HDC: variants seen among roughly 807,000 people sequenced by gnomAD.
HDC encodes the protein histidine decarboxylase.
In HDC, 27 loss-of-function variants were observed where a neutral mutation model predicts 64.4. The ratio of observed to expected loss-of-function variants is 0.42; its 90% CI spans 0.31 to 0.58. HDC has a LOEUF of 0.58. Ranked by LOEUF, HDC falls within the 20% of genes least tolerant of loss-of-function variation. HDC has a pLI of 0.16. For missense variants in HDC, 711 were observed against 833.9 expected (o/e 0.85, Z 1.81); for synonymous variants, 305 against 314.2 (o/e 0.97, Z 0.31).
At chr15:50,250,472 T>C (rs78147269) in intron 9 of HDC, among the ~76,000 whole-genome samples, 1,677 of 152,278 alleles carry the variant, frequency 0.011, 14 homozygotes, top group Non-Finnish European at 0.02. Context: ...GAGTTTACTC[T>C]AACATTTTTA....
At chr15:50,254,073 T>C (rs1176859425) in intron 6 of HDC, 57 bp downstream of exon 6, 15 of 1,600,134 alleles carry the variant, frequency 9.4e-6, no homozygotes, top group South Asian at 4.4e-5. Context: ...TCTGCCAAAA[T>C]TCCTTCCTCA....
rs2045512554 is a variant in HDC, at chr15:50,248,419, C to T, written c.1042-76G>A. 1.0e-6 allele frequency: 1 copy of T among 984,964 alleles called. No individual in the cohort carries two copies. Among genetic ancestry groups the T allele is most frequent in the Non-Finnish European group, 1.6e-6 (1 of 622,636 alleles). The allele number at this position is 984,964 out of a possible 1,614,324, so 61.0% of individuals were successfully genotyped here. A position where few individuals can be genotyped will look rare whatever the true frequency, so the allele number is the denominator to read the frequency against. ...TCCCTCGGGCATTTCTGGGCATTAT[C>T]TGTTGCCTGCCCAGCCCTCCAGGGA... On this transcript the variant is annotated intron_variant, in intron 9 of 11. Transcript: ENST00000267845. The surrounding 1 kb of genome is among the most constrained non-coding windows in gnomAD (Gnocchi z 4.3).
At chr15:50,253,438 C>A in intron 7 of HDC, 162 bp downstream of exon 7, 1 of 728,218 alleles carries the variant, frequency 1.4e-6, no homozygotes, top group South Asian at 1.5e-5. Context: ...GTCCAGGGAT[C>A]CCTGGAAGAG....
At chr15:50,264,219 C>A (rs2045740308) in intron 1 of HDC, among the ~76,000 whole-genome samples, 1 of 152,134 alleles carries the variant, frequency 6.6e-6, no homozygotes, top group Non-Finnish European at 1.5e-5. Flanking sequence ...AGTTATTATT[C>A]ATCTTTTTTG....
chr15:50,252,821 G>A, intron 7 of HDC, 47 bp from the exon 8 acceptor site: 1 of 1,572,134 alleles, frequency 6.4e-7, no homozygotes, highest in Non-Finnish European at 8.6e-7. Context: ...ATGAAGTGGG[G>A]AAAGATGTCT....
At chr15:50,259,022 C>T (rs769958121) in intron 2 of HDC, among the ~76,000 whole-genome samples, 1 of 151,900 alleles carries the variant, frequency 6.6e-6, no homozygotes, top group African/African-American at 2.4e-5. Flanking sequence ...ATTAGCCAGG[C>T]GGGGTGGCAG....
At chr15:50,244,471 T>C (rs1408552852) in intron 10 of HDC, among the ~76,000 whole-genome samples, 1 of 151,926 alleles carries the variant, frequency 6.6e-6, no homozygotes, top group Non-Finnish European at 1.5e-5. Flanking sequence ...CCCAGCTACA[T>C]TTTTTAATTT....
intron 10 of HDC, among the ~76,000 whole-genome samples, chr15:50,246,306 T>C (rs766529900): frequency 3.3e-5 from 5 of 152,240 alleles, no homozygotes; most frequent in Non-Finnish European, 7.3e-5. Context: ...AATCAAATCA[T>C]ATCAAACAAC....
intron 10 of HDC, among the ~76,000 whole-genome samples, chr15:50,245,158 C>T (rs1441141980): frequency 1.3e-5 from 2 of 152,222 alleles, no homozygotes; most frequent in African/African-American, 2.4e-5. Context: ...TGCCAGTGCC[C>T]TGCACCGCTC....
rs921979848 is a variant in HDC, at chr15:50,242,101, T to C, written c.*159A>G. ...TGGCTTAAACTCTTCGTTTGTATCC[T>C]ATTGTGGGTCATGAACCCCTATGAG... is the stretch of plus-strand genomic sequence containing the variant. On this transcript the variant is annotated 3_prime_UTR_variant, in exon 12 of 12. Transcript: ENST00000267845. 1.7e-5 allele frequency: 12 copies of C among 714,452 alleles called. No homozygotes were observed. In the African/African-American group the frequency reaches 1.8e-4, roughly 10 times the overall value. 44.3% of individuals were successfully genotyped at this position (714,452 alleles called of 1,614,324 possible). A position where few individuals can be genotyped will look rare whatever the true frequency, so the allele number is the denominator to read the frequency against.
chr15:50,263,497 T>C, intron 1 of HDC, 90 bp from the exon 2 acceptor site: 2 of 1,301,560 alleles, frequency 1.5e-6, no homozygotes, highest in Non-Finnish European at 1.1e-6. Context: ...GCCAAGAGAC[T>C]TGGTAAAGAA....
Position 50,263,264 on chromosome 15 carries a change from CA to C in HDC, c.174del (p.Phe58LeufsTer34). 6.2e-7 allele frequency: 1 copy of C among 1,614,180 alleles called. No individual in the cohort carries two copies. The highest frequency in any genetic ancestry group is 8.5e-7 in the Non-Finnish European group (1 of 1,180,026). On this transcript the variant is annotated frameshift_variant, in exon 2 of 12. Transcript: ENST00000267845. LOFTEE classifies it high-confidence loss of function. Reference sequence around the variant, plus strand: ...GGCATGATGATTCGTTCAATGTCCCCAAAGATGCTGTCCCAGCTGTCGGGGT... The same window carrying C: ...GGCATGATGATTCGTTCAATGTCCCCAAGATGCTGTCCCAGCTGTCGGGGT... ...PEDPDSWDSIFGDIERIIMPG... is the reference protein window; with the variant it reads ...PEDPDSWDSIXGDIERIIMPG...
At position 50,257,525 on chromosome 15, in the gene HDC, T is replaced by A; in HGVS notation, c.341A>T (p.Glu114Val). The change falls in exon 4 of 12, where the codon GAG (glutamate) becomes GTG (valine). Residue 114 changes from glutamate (E) to valine (V), a missense_variant. Coordinates refer to ENST00000267845, the MANE Select transcript of HDC (RefSeq NM_002112.4). The stretch of plus-strand genomic sequence containing the variant: ...CCAGTCCATGACGTTCATCTCCAGC[T>A]CTGTACACGCAGGGCTGGATGCCTG... The part of the protein sequence containing the change: ...FTWASSPACT[E>V]LEMNVMDWLA... 1 of 1,614,102 alleles carries A rather than the reference T, an allele frequency of 6.2e-7. No individual in the cohort carries two copies. The highest frequency in any genetic ancestry group is 8.5e-7 in the Non-Finnish European group (1 of 1,179,968).
rs1027008647 is a variant in HDC at position 50,242,056 on chromosome 15, T to C, written c.*204A>G. On this transcript the variant is annotated 3_prime_UTR_variant, in exon 12 of 12. Coordinates refer to ENST00000267845, the MANE Select transcript of HDC (RefSeq NM_002112.4). ...GGCCCTTTCTCACTGACCAGACTGC[T>C]GAACCCATCTGGATCATGCTGGCTT... The C allele has an allele frequency of 3.3e-6, 2 of 611,616 alleles. No homozygotes were observed. Among genetic ancestry groups the C allele is most frequent in the African/African-American group, 1.8e-5 (1 of 54,368 alleles). The allele number at this position is 611,616 out of a possible 1,614,324, so 37.9% of individuals were successfully genotyped here.
At chr15:50,252,584 G>A (rs373669005) in intron 8 of HDC, 28 bp downstream of exon 8, 11 of 1,614,010 alleles carry the variant, frequency 6.8e-6, no homozygotes, top group East Asian at 4.5e-5. Context: ...GCGTTCCTGC[G>A]TGCTCGGAGC....
intron 2 of HDC, among the ~76,000 whole-genome samples, chr15:50,259,454 G>C (rs2045674623): frequency 6.6e-6 from 1 of 152,182 alleles, no homozygotes; most frequent in Non-Finnish European, 1.5e-5. Context: ...GAGGAGCTGA[G>C]TGGGCAGGAA....
At chr15:50,255,276 G>C (rs766735120) in intron 4 of HDC, among the ~76,000 whole-genome samples, 2 of 152,106 alleles carry the variant, frequency 1.3e-5, no homozygotes, top group Admixed American at 1.3e-4. Context: ...GGAAATCTTC[G>C]GGGCCACCTC....
chr15:50,243,295 T>G (rs752503071), intron 10 of HDC, 51 bp from the exon 11 acceptor site: 34 of 1,222,286 alleles, frequency 2.8e-5, no homozygotes, highest in Non-Finnish European at 4.1e-5. Context: ...GACAAGAGAC[T>G]ATGCATAAAC....
At chr15:50,258,374 T>A (rs772220487) in intron 3 of HDC, 30 bp downstream of exon 3, 1 of 1,273,404 alleles carries the variant, frequency 7.9e-7, no homozygotes, top group Non-Finnish European at 1.1e-6. Context: ...ACGTTCCCCA[T>A]TGCGAGTAGT....
Sources: gnomAD v4.1 joint callset for allele counts (sites outside exome capture counted in the v4.1 genomes callset) on GRCh38, gnomAD v4.1.1 for gene constraint, Gnocchi (gnomAD v3.1) non-coding constraint, MANE v1.5 for transcripts, NCBI Gene and HGNC (gene_info 2026-07-23, HGNC 2026-07-21) for gene names.